The following SCMH1 variants were observed in gnomAD, a reference collection of about 807,000 sequenced individuals.
SCMH1 encodes Scm polycomb group protein homolog 1.
SCMH1 carries 37 observed loss-of-function variants against 70.8 expected under a neutral mutation model. That is an observed-to-expected ratio of 0.52 (90% CI 0.40 to 0.69). The LOEUF (loss-of-function observed/expected upper bound fraction) is 0.69, where lower values mean the gene tolerates loss of function less well. SCMH1 is among the 30% of genes least tolerant of loss of function. The probability of loss-of-function intolerance (pLI) is 0.00; values close to 1 mark genes in which losing one functional copy is unlikely to be tolerated. For missense variants in SCMH1, 607 were observed against 827.3 expected (o/e 0.73, Z 3.27); for synonymous variants, 292 against 307.4 (o/e 0.95, Z 0.52).
At chr1:41,153,040 T>C (rs2300646) in intron 4 of SCMH1, among the ~76,000 whole-genome samples, 8 of 152,230 alleles carry the variant, frequency 5.3e-5, no homozygotes, top group Non-Finnish European at 1.0e-4. Context: ...TTGCTTCTAG[T>C]TGACAGGGCC....
chr1:41,239,487 C>T (rs1399918944), intron 1 of SCMH1, among the ~76,000 whole-genome samples: 1 of 152,182 alleles, frequency 6.6e-6, no homozygotes, highest in Non-Finnish European at 1.5e-5. Context: ...ATGCGTAGTT[C>T]TCATCTTTTA....
intron 4 of SCMH1, 143 bp downstream of exon 4, chr1:41,160,732 A>T (rs1645945625): frequency 3.9e-6 from 3 of 771,232 alleles, no homozygotes; most frequent in Non-Finnish European, 6.7e-6. Flanking sequence ...TGGGATAATT[A>T]GGCAGACAAG....
intron 1 of SCMH1, among the ~76,000 whole-genome samples, chr1:41,199,653 G>C (rs1653828550): frequency 7.0e-6 from 1 of 142,256 alleles, no homozygotes; most frequent in Non-Finnish European, 1.5e-5. Flanking sequence ...ACATGTACTT[G>C]TTTATAAGTG....
At chr1:41,058,891 C>T (rs1019978417) in intron 10 of SCMH1, among the ~76,000 whole-genome samples, 1 of 152,114 alleles carries the variant, frequency 6.6e-6, no homozygotes, top group African/African-American at 2.4e-5. Context: ...TTGTTCTGCA[C>T]CTGAGAAGAT....
chr1:41,063,478 T>A (rs1429235175), intron 10 of SCMH1, among the ~76,000 whole-genome samples: 1 of 151,048 alleles, frequency 6.6e-6, no homozygotes, highest in Admixed American at 6.6e-5. Flanking sequence ...GTCTAAAAAA[T>A]AATAATAATA....
chr1:41,136,498 T>A (rs558037264), intron 6 of SCMH1, among the ~76,000 whole-genome samples: 1 of 151,572 alleles, frequency 6.6e-6, no homozygotes, highest in African/African-American at 2.4e-5. Context: ...CTCAGCCTCC[T>A]GAGTAGCTGG....
chr1:41,229,182 G>A (rs1210684577), intron 1 of SCMH1, among the ~76,000 whole-genome samples: 3 of 149,634 alleles, frequency 2.0e-5, no homozygotes, highest in African/African-American at 2.4e-5. Flanking sequence ...GGCAACAAGA[G>A]CAAAACTCCA....
At chr1:41,105,067 T>C (rs1015434047) in intron 8 of SCMH1, among the ~76,000 whole-genome samples, 1 of 152,104 alleles carries the variant, frequency 6.6e-6, no homozygotes, top group African/African-American at 2.4e-5. Flanking sequence ...GTGATTCTCC[T>C]GCTTCAATAT....
chr1:41,233,273 C>T (rs1325793481), intron 1 of SCMH1, among the ~76,000 whole-genome samples: 1 of 152,120 alleles, frequency 6.6e-6, no homozygotes, highest in Non-Finnish European at 1.5e-5. Flanking sequence ...AGGTCTCTTT[C>T]ACCTTCTTGT....
At chr1:41,170,107 C>T (rs547434843) in intron 2 of SCMH1, among the ~76,000 whole-genome samples, 1 of 152,282 alleles carries the variant, frequency 6.6e-6, no homozygotes, top group African/African-American at 2.4e-5. Flanking sequence ...CTATGTATTG[C>T]TCCTGGGGGA....
chr1:41,070,179 C>A (rs1413470817), intron 10 of SCMH1, among the ~76,000 whole-genome samples: 1 of 151,926 alleles, frequency 6.6e-6, no homozygotes, highest in Admixed American at 6.6e-5. Flanking sequence ...ATAAGTCAAC[C>A]TTACTTTCAT....
At chr1:41,237,093 A>G (rs1219982162) in intron 1 of SCMH1, among the ~76,000 whole-genome samples, 1 of 152,218 alleles carries the variant, frequency 6.6e-6, no homozygotes, top group African/African-American at 2.4e-5. Context: ...TTACAGCTAC[A>G]TCTTCCTTCA....
intron 6 of SCMH1, among the ~76,000 whole-genome samples, chr1:41,128,175 T>C (rs1027751547): frequency 5.3e-5 from 8 of 152,234 alleles, no homozygotes; most frequent in African/African-American, 9.6e-5. Flanking sequence ...TCTCTGCACA[T>C]TGCTCTTCTT....
chr1:41,161,312 A>G (rs1646009365), intron 3 of SCMH1, 52 bp downstream of exon 3: 1 of 1,546,054 alleles, frequency 6.5e-7, no homozygotes. Context: ...TTTTATGGGA[A>G]AAGATGCCGA....
intron 1 of SCMH1, among the ~76,000 whole-genome samples, chr1:41,220,357 ATAGT>A (rs1373075890): frequency 2.0e-5 from 3 of 152,264 alleles, no homozygotes; most frequent in Non-Finnish European, 2.9e-5. Context: ...TCATGAAATA[ATAGT>A]TAATTTTCCC....
At chr1:41,163,811 C>A (rs187731642) in intron 2 of SCMH1, among the ~76,000 whole-genome samples, 2 of 151,942 alleles carry the variant, frequency 1.3e-5, no homozygotes, top group East Asian at 1.9e-4. Flanking sequence ...TAGACAACTG[C>A]GGAAATTATC....
chr1:41,095,514 G>T (rs1295213940), intron 8 of SCMH1, among the ~76,000 whole-genome samples: 1 of 152,172 alleles, frequency 6.6e-6, no homozygotes, highest in Non-Finnish European at 1.5e-5. Context: ...AAGTTCTACT[G>T]TAGTTATGAA....
chr1:41,038,135 G>A (rs1481990328), intron 12 of SCMH1: 2 of 152,328 alleles, frequency 1.3e-5, no homozygotes, highest in African/African-American at 4.8e-5. Flanking sequence ...ACTCAGCAGA[G>A]TGCTTCTCGG....
At chr1:41,063,244 C>T (rs576728079) in intron 10 of SCMH1, among the ~76,000 whole-genome samples, 27 of 152,154 alleles carry the variant, frequency 1.8e-4, no homozygotes, top group Middle Eastern at 3.4e-3. Flanking sequence ...GAGGCTGAGG[C>T]GGGCGGATCA....
Sources: gnomAD v4.1 joint callset for allele counts (sites outside exome capture counted in the v4.1 genomes callset) on GRCh38, gnomAD v4.1.1 for gene constraint, MANE v1.5 for transcripts, NCBI Gene and HGNC (gene_info 2026-07-23, HGNC 2026-07-21) for gene names.